The following C2CD2 variants were observed in gnomAD, a reference collection of about 807,000 sequenced individuals.
The protein encoded by C2CD2 is C2 domain-containing protein 2.
In C2CD2, 43 loss-of-function variants were observed where a neutral mutation model predicts 74.3. The ratio of observed to expected loss-of-function variants is 0.58; its 90% CI spans 0.45 to 0.75. The LOEUF is 0.75. Among genes scored for constraint, C2CD2 ranks in the 30% least tolerant of loss-of-function variants. The probability of loss-of-function intolerance (pLI) is 0.00; values close to 1 mark genes in which losing one functional copy is unlikely to be tolerated. For synonymous variants in C2CD2, 422 were observed against 390.7 expected, an observed-to-expected ratio of 1.08 and a Z score of -0.94; for missense variants, 801 against 916.3, an observed-to-expected ratio of 0.87 and a Z score of 1.63.
intron 1 of C2CD2, among the ~76,000 whole-genome samples, chr21:41,944,382 C>T (rs564993029): frequency 6.6e-6 from 1 of 151,968 alleles, no homozygotes; most frequent in East Asian, 1.9e-4. Flanking sequence ...ATTAGCCAGG[C>T]GTGGTGGCAG....
Position 41,953,946 on chromosome 21 carries a change from G to C in C2CD2, c.-298C>G, listed in dbSNP as rs923610847. The stretch of plus-strand genomic sequence containing the variant: ...GTCTGGGAAGTTCCTGGGCCGCTGC[G>C]GGCCGCGCTTCCTCCTGCGCGCGCC... On this transcript the variant is annotated 5_prime_UTR_variant, in exon 1 of 14. Coordinates refer to ENST00000380486, the MANE Select transcript of C2CD2 (RefSeq NM_015500.2). 3.8e-5 allele frequency: 6 copies of C among 156,104 alleles called. No individual in the cohort carries two copies. The highest frequency in any genetic ancestry group is 1.5e-4 in the African/African-American group (6 of 41,202). 9.7% of individuals were successfully genotyped at this position (156,104 alleles called of 1,614,324 possible). A position where few individuals can be genotyped will look rare whatever the true frequency, so the allele number is the denominator to read the frequency against.
rs2839403 is a variant in C2CD2, at chr21:41,889,082, A to G, written c.*42T>C. ...CTGCGTCCTGGTGAGGGTAGTTAAC[A>G]TGGGTGCACGTCTTCTGGCTTGGAG... On this transcript the variant is annotated 3_prime_UTR_variant, in exon 14 of 14. Coordinates refer to ENST00000380486, the MANE Select transcript of C2CD2 (RefSeq NM_015500.2). 861,985 of 1,471,056 alleles carry G rather than the reference A, an allele frequency of 0.59. 260,466 individuals carry two copies. Among genetic ancestry groups the G allele is most frequent in the Non-Finnish European group, 0.63 (666,694 of 1,053,460 alleles). 91.1% of individuals were successfully genotyped at this position (1,471,056 alleles called of 1,614,324 possible). A position where few individuals can be genotyped will look rare whatever the true frequency, so the allele number is the denominator to read the frequency against.
At chr21:41,908,343 T>C (rs1033748875) in intron 8 of C2CD2, 1 of 154,158 alleles carries the variant, frequency 6.5e-6, no homozygotes, top group East Asian at 1.9e-4. Flanking sequence ...ATGTTAAGGA[T>C]ACGTGAGTTT....
chr21:41,891,785 T>C (rs1159929518), intron 13 of C2CD2, among the ~76,000 whole-genome samples: 1 of 151,910 alleles, frequency 6.6e-6, no homozygotes, highest in Non-Finnish European at 1.5e-5. Context: ...AATGGAGGCC[T>C]AGGGGGAGGG....
intron 1 of C2CD2, chr21:41,942,968 T>C: frequency 1.0e-6 from 1 of 984,214 alleles, no homozygotes; most frequent in Non-Finnish European, 1.2e-6. Flanking sequence ...TCCAGGAAAC[T>C]CGGTCAGCTC....
At position 41,926,397 on chromosome 21, in the gene C2CD2, A is replaced by G; in HGVS notation, c.379-4312T>C. The G allele has an allele frequency of 1.0e-6, 1 of 980,078 alleles. No individual in the cohort carries two copies. The highest frequency in any genetic ancestry group is 1.8e-5 in the African/African-American group (1 of 56,920). 60.7% of individuals were successfully genotyped at this position (980,078 alleles called of 1,614,324 possible). On this transcript the variant is annotated intron_variant, in intron 2 of 13. Transcript: ENST00000380486. This position sits in a 1 kb window ranked among gnomAD's most constrained non-coding sequence, Gnocchi z 8.0. ...CTCCACATGGAAAGGCCAAGGGGGG[A>G]CTCACGGTTGGCAGGTGAGGGTTTG...
intron 13 of C2CD2, among the ~76,000 whole-genome samples, chr21:41,898,595 T>A (rs2064851474): frequency 6.6e-6 from 1 of 152,150 alleles, no homozygotes; most frequent in Non-Finnish European, 1.5e-5. Flanking sequence ...CTGTAGAGCC[T>A]CCTAGGGTCA....
At chr21:41,941,941 C>T (rs1005798641) in intron 2 of C2CD2, among the ~76,000 whole-genome samples, 12 of 152,326 alleles carry the variant, frequency 7.9e-5, no homozygotes, top group African/African-American at 1.4e-4. Flanking sequence ...GTCAGAATCT[C>T]GCTCCTTTTG....
intron 1 of C2CD2, among the ~76,000 whole-genome samples, chr21:41,949,321 G>A (rs1374541299): frequency 6.6e-6 from 1 of 152,192 alleles, no homozygotes; most frequent in Non-Finnish European, 1.5e-5. Context: ...AAGCTCAACT[G>A]CTGCTTTTGG....
In C2CD2 at chr21:41,892,674, T is replaced by G. The variant is rs146548693; in HGVS notation, c.1871-3330A>C. On this transcript the variant is annotated intron_variant, in intron 13 of 13. Coordinates refer to ENST00000380486, the MANE Select transcript of C2CD2 (RefSeq NM_015500.2). The surrounding 1 kb of genome is among the most constrained non-coding windows in gnomAD (Gnocchi z 4.6). ...ACTGGGCATGAGCATTTTTCAAAAG[T>G]TCCCAGGTCTTTTGAACATGCAGCT... 6.6e-6 allele frequency among the ~76,000 whole-genome samples: 1 copy of G among 152,282 alleles called. No individual in the cohort carries two copies. Among genetic ancestry groups the G allele is most frequent in the East Asian group, 1.9e-4 (1 of 5,184 alleles).
intron 13 of C2CD2, among the ~76,000 whole-genome samples, chr21:41,893,228 C>T (rs370172865): frequency 1.3e-4 from 19 of 151,974 alleles, no homozygotes; most frequent in East Asian, 7.7e-4. Context: ...ATAATTTATG[C>T]AAGTGAAATT....
chr21:41,944,617 T>C (rs2065384150), intron 1 of C2CD2, among the ~76,000 whole-genome samples: 1 of 151,724 alleles, frequency 6.6e-6, no homozygotes, highest in Non-Finnish European at 1.5e-5. Flanking sequence ...TTAAGAGAGA[T>C]TGCTTTTCCT....
intron 2 of C2CD2, 53 bp downstream of exon 2, chr21:41,942,094 G>A (rs59312488): frequency 0.05 from 76,873 of 1,541,160 alleles, 2,061 homozygotes; most frequent in Admixed American, 0.06. Flanking sequence ...CAAACTCCCC[G>A]TCCCCGGCAT....
At chr21:41,946,793 T>C (rs150434875) in intron 1 of C2CD2, among the ~76,000 whole-genome samples, 20 of 152,130 alleles carry the variant, frequency 1.3e-4, no homozygotes, top group African/African-American at 4.3e-4. Flanking sequence ...CCAGACACAG[T>C]GCACACCACT....
intron 2 of C2CD2, 92 bp from the exon 3 acceptor site, chr21:41,922,177 GA>G (rs2065162206): frequency 7.9e-6 from 5 of 633,642 alleles, no homozygotes; most frequent in Non-Finnish European, 1.1e-5. Flanking sequence ...TTTTTTTTTT[GA>G]GACAAGGTCT....
intron 1 of C2CD2, among the ~76,000 whole-genome samples, chr21:41,952,714 C>T (rs559102376): frequency 6.6e-6 from 1 of 152,366 alleles, no homozygotes; most frequent in Admixed American, 6.5e-5. Flanking sequence ...ATTCACATGC[C>T]AGCTCTGCCG....
chr21:41,947,011 G>T (rs750491942), intron 1 of C2CD2, among the ~76,000 whole-genome samples: 1 of 152,130 alleles, frequency 6.6e-6, no homozygotes, highest in Non-Finnish European at 1.5e-5. Flanking sequence ...AATACAAGGA[G>T]ACAGGTGGAA....
In C2CD2 at chr21:41,907,682, A is replaced by T; in HGVS notation, c.1121T>A (p.Val374Glu). The change falls in exon 9 of 14, where the codon GTG (valine) becomes GAG (glutamate). Residue 374 changes from valine to glutamate, a missense_variant. Physicochemically the swap from Val to Glu is moderately radical, Grantham distance 121. Transcript: ENST00000380486. ...LTSGSACGSS[V>E]LGSVTAEFSY... ...TACCTCTGCCGTGACCGAGCCCAGC[A>T]CCGAGCTGCCGCAGGCAGACCCGCT... 6.2e-7 allele frequency: 1 copy of T among 1,612,096 alleles called. No homozygotes were observed. Among genetic ancestry groups the T allele is most frequent in the Non-Finnish European group, 8.5e-7 (1 of 1,179,748 alleles).
intron 10 of C2CD2, among the ~76,000 whole-genome samples, chr21:41,906,567 G>A (rs1040873403): frequency 1.3e-5 from 2 of 152,130 alleles, no homozygotes; most frequent in Non-Finnish European, 2.9e-5. Flanking sequence ...GTTTCACCAC[G>A]TTGGTCAGGC....
Sources: gnomAD v4.1 joint callset for allele counts (sites outside exome capture counted in the v4.1 genomes callset) on GRCh38, gnomAD v4.1.1 for gene constraint, Gnocchi (gnomAD v3.1) non-coding constraint, MANE v1.5 for transcripts, NCBI Gene and HGNC (gene_info 2026-07-23, HGNC 2026-07-21) for gene names.